ADAMTS3: variants seen among roughly 807,000 people sequenced by gnomAD.
ADAMTS3 encodes ADAM metallopeptidase with thrombospondin type 1 motif 3, also known as A disintegrin and metalloproteinase with thrombospondin motifs 3.
Under a neutral mutation model 129.0 loss-of-function variants are expected in ADAMTS3, and 73 were observed. The ratio of observed to expected loss-of-function variants is 0.57; its 90% CI spans 0.47 to 0.69. The LOEUF is 0.69. ADAMTS3 is among the 30% of genes least tolerant of loss of function. The probability of loss-of-function intolerance (pLI) is 0.00; values close to 1 mark genes in which losing one functional copy is unlikely to be tolerated. For synonymous variants in ADAMTS3, 477 were observed against 510.8 expected (o/e 0.93, Z 0.89); for missense variants, 1,457 against 1,514.5 (o/e 0.96, Z 0.63).
chr4:72,555,389 G>T (rs1403892946), intron 2 of ADAMTS3, among the ~76,000 whole-genome samples: 1 of 151,714 alleles, frequency 6.6e-6, no homozygotes, highest in Non-Finnish European at 1.5e-5. Flanking sequence ...CTACAGTAGA[G>T]GATCACTGTT....
chr4:72,539,604 G>A (rs908162460), intron 3 of ADAMTS3, among the ~76,000 whole-genome samples: 1 of 151,674 alleles, frequency 6.6e-6, no homozygotes, highest in Non-Finnish European at 1.5e-5. Context: ...CTACTTATAT[G>A]GTCTGGCTGT....
In ADAMTS3 at chr4:72,333,840, T is replaced by C. The variant is rs571599069; in HGVS notation, c.861+5654A>G. ...TTGTTTTGTTGTTGTTGTTTGTTTG[T>C]TTGCTTGCTTTTTTTTTTTTTTTTT... On this transcript the variant is annotated intron_variant, in intron 5 of 21. Transcript: ENST00000286657. Among the ~76,000 whole-genome samples the C allele has an allele frequency of 3.5e-3, 366 of 105,578 alleles. 2 individuals carry two copies. The highest frequency in any genetic ancestry group is 6.7e-3 in the Admixed American group (51 of 7,594). The allele number at this position is 105,578 out of a possible 152,430, so 69.3% of individuals were successfully genotyped here.
chr4:72,378,340 G>A (rs756476953), intron 4 of ADAMTS3, among the ~76,000 whole-genome samples: 13 of 152,076 alleles, frequency 8.5e-5, no homozygotes, highest in African/African-American at 1.9e-4. Context: ...TAGAAAATAC[G>A]GTAGAATGGA....
intron 17 of ADAMTS3, among the ~76,000 whole-genome samples, chr4:72,299,800 G>A (rs992233118): frequency 6.6e-6 from 1 of 151,914 alleles, no homozygotes; most frequent in African/African-American, 2.4e-5. Context: ...GGTTTTTATT[G>A]GAACTGTACA....
Position 72,530,015 on chromosome 4 carries a change from ATT to A in ADAMTS3, c.504+18461_504+18462del, listed in dbSNP as rs1720944297. The stretch of plus-strand genomic sequence containing the variant: ...TATATTTATATATAATATATAATAT[ATT>A]ATATTTATATATAAATATAATATAT... On this transcript the variant is annotated intron_variant, in intron 3 of 21. Coordinates refer to ENST00000286657, the MANE Select transcript of ADAMTS3 (RefSeq NM_014243.3). Among the ~76,000 whole-genome samples, 6 of 3,700 alleles carry A rather than the reference ATT, an allele frequency of 1.6e-3. 3 individuals are homozygous for A. The highest frequency in any genetic ancestry group is 3.3e-3 in the African/African-American group (6 of 1,824). The allele number at this position is 3,700 out of a possible 152,430, so 2.4% of individuals were successfully genotyped here.
At chr4:72,495,669 C>A (rs985779734) in intron 3 of ADAMTS3, among the ~76,000 whole-genome samples, 2 of 152,066 alleles carry the variant, frequency 1.3e-5, no homozygotes, top group African/African-American at 4.8e-5. Flanking sequence ...TCATGACCTA[C>A]CTCTTTCAGT....
chr4:72,497,204 C>A (rs1719894146), intron 3 of ADAMTS3, among the ~76,000 whole-genome samples: 1 of 151,898 alleles, frequency 6.6e-6, no homozygotes, highest in Non-Finnish European at 1.5e-5. Flanking sequence ...AGAACAAATG[C>A]AAATGTACTT....
intron 3 of ADAMTS3, among the ~76,000 whole-genome samples, chr4:72,429,888 A>G (rs1578672567): frequency 6.6e-6 from 1 of 151,986 alleles, no homozygotes; most frequent in Non-Finnish European, 1.5e-5. Flanking sequence ...TGTTTTTCAA[A>G]CTTTAAAGTG....
chr4:72,548,638 A>G lies in ADAMTS3; in HGVS notation c.344T>C (p.Leu115Pro). The change falls in exon 3 of 22, where the codon CTG (leucine) becomes CCG (proline). Residue 115 changes from leucine to proline, a missense_variant. Leu to Pro is a moderately conservative substitution (Grantham distance 98). Coordinates refer to ENST00000286657, the MANE Select transcript of ADAMTS3 (RefSeq NM_014243.3). ...GAVVEWHETS[L>P]VPGNITDPIN... ...GGGATCGGTTATATTCCCAGGCACC[A>G]GAGATGTCTCATGCCACTCCACAAC... 6.2e-7 allele frequency: 1 copy of G among 1,614,022 alleles called. No homozygotes were observed. Among genetic ancestry groups the G allele is most frequent in the Non-Finnish European group, 8.5e-7 (1 of 1,179,930 alleles).
chr4:72,463,654 C>A (rs1718836157), intron 3 of ADAMTS3, among the ~76,000 whole-genome samples: 1 of 140,748 alleles, frequency 7.1e-6, no homozygotes, highest in Non-Finnish European at 1.5e-5. Flanking sequence ...CATTTTTTTA[C>A]TATTTTTCAG....
At chr4:72,358,012 C>G (rs1720627097) in intron 4 of ADAMTS3, among the ~76,000 whole-genome samples, 1 of 151,882 alleles carries the variant, frequency 6.6e-6, no homozygotes, top group Non-Finnish European at 1.5e-5. Context: ...ACAAAGACTG[C>G]CTTCTCTTCT....
At chr4:72,313,566 T>C in intron 12 of ADAMTS3, 111 bp downstream of exon 12, 1 of 1,151,042 alleles carries the variant, frequency 8.7e-7, no homozygotes, top group Non-Finnish European at 1.2e-6. Context: ...AACAATTTAT[T>C]TTCCTGCCCT....
intron 4 of ADAMTS3, among the ~76,000 whole-genome samples, chr4:72,350,013 GAAC>G (rs1275665892): frequency 9.2e-5 from 14 of 151,940 alleles, no homozygotes; most frequent in African/African-American, 3.4e-4. Context: ...ATCTATGACA[GAAC>G]AACGTTTGCT....
chr4:72,540,386 TCA>T (rs1721289784), intron 3 of ADAMTS3, among the ~76,000 whole-genome samples: 1 of 152,180 alleles, frequency 6.6e-6, no homozygotes, highest in Admixed American at 6.5e-5. Context: ...TTAATCGCAT[TCA>T]GTTTTATAAG....
chr4:72,484,383 TGGG>T (rs1223064342), intron 3 of ADAMTS3, among the ~76,000 whole-genome samples: 1 of 152,198 alleles, frequency 6.6e-6, no homozygotes, highest in African/African-American at 2.4e-5. Context: ...TTTCAAAACT[TGGG>T]ATCCTGACCA....
rs1202123572 is a variant in ADAMTS3, at chr4:72,280,985, T to A, written c.*2151A>T. On this transcript the variant is annotated 3_prime_UTR_variant, in exon 22 of 22. Transcript: ENST00000286657. ...AGCCAGATGTATATTTTGTTAACAT[T>A]TTTATTGGTACGTGCTCTCAGTACA... 3 of 152,574 alleles carry A rather than the reference T, an allele frequency of 2.0e-5. No individual in the cohort carries two copies. The highest frequency in any genetic ancestry group is 7.2e-5 in the African/African-American group (3 of 41,432). 9.5% of individuals were successfully genotyped at this position (152,574 alleles called of 1,614,324 possible).
chr4:72,385,882 T>C (rs2087098859), intron 4 of ADAMTS3, among the ~76,000 whole-genome samples: 2 of 152,210 alleles, frequency 1.3e-5, no homozygotes, highest in South Asian at 4.1e-4. Context: ...AATTATAAAA[T>C]AAATAATTTG....
chr4:72,288,918 G>GCACACACA (rs764883582), intron 20 of ADAMTS3, 50 bp from the exon 21 acceptor site: 14 of 564,406 alleles, frequency 2.5e-5, no homozygotes, highest in African/African-American at 1.4e-4. Context: ...CCAAGACCAT[G>GCACACACA]CACATACACA....
chr4:72,384,521 T>A (rs1205331234), intron 4 of ADAMTS3, among the ~76,000 whole-genome samples: 2 of 152,108 alleles, frequency 1.3e-5, no homozygotes, highest in East Asian at 3.9e-4. Flanking sequence ...GTCACCAAAG[T>A]GCTAAAAGAA....
Sources: gnomAD v4.1 joint callset for allele counts (sites outside exome capture counted in the v4.1 genomes callset) on GRCh38, gnomAD v4.1.1 for gene constraint, MANE v1.5 for transcripts, NCBI Gene and HGNC (gene_info 2026-07-23, HGNC 2026-07-21) for gene names.